The following RBMS1 variants were observed in gnomAD, a reference collection of about 807,000 sequenced individuals.
RBMS1 encodes the protein RNA binding motif single stranded interacting protein 1.
A neutral mutation model predicts 62.3 loss-of-function variants in RBMS1; 17 were observed. The ratio of observed to expected loss-of-function variants is 0.27; its 90% CI spans 0.19 to 0.41. RBMS1 has a LOEUF of 0.41. Among genes scored for constraint, RBMS1 ranks in the 10% least tolerant of loss-of-function variants. The probability of loss-of-function intolerance (pLI) is 1.00; values close to 1 mark genes in which losing one functional copy is unlikely to be tolerated. For synonymous variants in RBMS1, 172 were observed against 170.0 expected (o/e 1.01, Z -0.09); for missense variants, 334 against 504.5 (o/e 0.66, Z 3.24).
intron 1 of RBMS1, among the ~76,000 whole-genome samples, chr2:160,448,859 G>A (rs1185570053): frequency 1.3e-5 from 2 of 151,474 alleles, no homozygotes; most frequent in African/African-American, 4.9e-5. Flanking sequence ...GAGCGTCTCT[G>A]CCTGGCCGCC....
chr2:160,324,882 G>GTGTGTGTATA (rs1206910746), intron 2 of RBMS1, among the ~76,000 whole-genome samples: 1 of 100,016 alleles, frequency 1.0e-5, no homozygotes, highest in African/African-American at 4.2e-5. Flanking sequence ...GTGTGTGTGT[G>GTGTGTGTATA]TATATATATA....
chr2:160,344,318 C>A (rs1459239529), intron 2 of RBMS1, among the ~76,000 whole-genome samples: 1 of 152,156 alleles, frequency 6.6e-6, no homozygotes, highest in Non-Finnish European at 1.5e-5. Flanking sequence ...GTTTATTCCT[C>A]TAGAAGTTTT....
At chr2:160,323,309 C>T (rs1250369359) in intron 2 of RBMS1, among the ~76,000 whole-genome samples, 1 of 151,718 alleles carries the variant, frequency 6.6e-6, no homozygotes, top group Non-Finnish European at 1.5e-5. Flanking sequence ...AACACCCTCT[C>T]GACAAACAAT....
At chr2:160,331,486 A>T (rs1573875345) in intron 2 of RBMS1, among the ~76,000 whole-genome samples, 1 of 152,166 alleles carries the variant, frequency 6.6e-6, no homozygotes, top group African/African-American at 2.4e-5. Context: ...CATGGCTGTC[A>T]TCCCCATTAG....
intron 2 of RBMS1, among the ~76,000 whole-genome samples, chr2:160,340,830 C>T (rs962324958): frequency 6.6e-6 from 1 of 152,118 alleles, no homozygotes; most frequent in Admixed American, 6.5e-5. Flanking sequence ...GATTTTTTAA[C>T]ACTTGCTATT....
intron 1 of RBMS1, among the ~76,000 whole-genome samples, chr2:160,410,221 CAAAAA>C (rs575199475): frequency 1.5e-4 from 10 of 68,020 alleles, no homozygotes; most frequent in African/African-American, 2.9e-4. Flanking sequence ...GACCCCGTCT[CAAAAA>C]AAAAAAAAAA....
chr2:160,415,229 T>G (rs895039788), intron 1 of RBMS1, among the ~76,000 whole-genome samples: 2 of 152,196 alleles, frequency 1.3e-5, no homozygotes, highest in African/African-American at 4.8e-5. Context: ...CCATGAATTA[T>G]AGTAAAACTC....
At chr2:160,389,349 A>C (rs1694738667) in intron 1 of RBMS1, among the ~76,000 whole-genome samples, 1 of 152,244 alleles carries the variant, frequency 6.6e-6, no homozygotes, top group African/African-American at 2.4e-5. Context: ...CAGTGCTCAA[A>C]GATATTAAAC....
chr2:160,428,549 C>T (rs994366217), intron 1 of RBMS1, among the ~76,000 whole-genome samples: 6 of 152,008 alleles, frequency 3.9e-5, no homozygotes, highest in African/African-American at 4.8e-5. Context: ...TCTTACCATC[C>T]CTGGCCATTT....
rs556043046 is a variant in RBMS1 at position 160,296,158 on chromosome 2, G to A, written c.640+4493C>T. ...TTTCTCCTTTGTCTTTACTTGGGCA[G>A]AAGTTAAAAACATTATTTTCTCTTT... On this transcript the variant is annotated intron_variant, in intron 6 of 13. Coordinates refer to ENST00000348849, the MANE Select transcript of RBMS1 (RefSeq NM_016836.4). Among the ~76,000 whole-genome samples, 4 of 152,298 alleles carry A rather than the reference G, an allele frequency of 2.6e-5. No individual in the cohort carries two copies. The East Asian group carries it at 7.7e-4, about 29-fold the overall frequency.
At chr2:160,376,967 C>A (rs912927224) in intron 1 of RBMS1, among the ~76,000 whole-genome samples, 1 of 152,074 alleles carries the variant, frequency 6.6e-6, no homozygotes, top group African/African-American at 2.4e-5. Flanking sequence ...TGGGCCTGGT[C>A]AATCTGTGTA....
At chr2:160,399,775 G>A (rs1304826321) in intron 1 of RBMS1, among the ~76,000 whole-genome samples, 23 of 152,128 alleles carry the variant, frequency 1.5e-4, no homozygotes, top group Non-Finnish European at 4.4e-5. Flanking sequence ...CTCCAAAGAG[G>A]AGAGAGACAA....
intron 1 of RBMS1, among the ~76,000 whole-genome samples, chr2:160,421,775 A>G (rs927186945): frequency 6.6e-6 from 1 of 152,094 alleles, no homozygotes; most frequent in African/African-American, 2.4e-5. Flanking sequence ...CAGTGTAAAA[A>G]TGTTTCTATT....
chr2:160,276,373 A>C (rs1687835543), intron 12 of RBMS1, among the ~76,000 whole-genome samples: 1 of 150,732 alleles, frequency 6.6e-6, no homozygotes, highest in African/African-American at 2.5e-5. Flanking sequence ...CACCACCAAC[A>C]CCTACTACTA....
chr2:160,277,575 T>A (rs1465324245), intron 11 of RBMS1, 192 bp from the exon 12 acceptor site: 1 of 408,972 alleles, frequency 2.4e-6, no homozygotes, highest in Non-Finnish European at 4.4e-6. Flanking sequence ...ACTTTTTGAA[T>A]CTGCTAAACT....
At chr2:160,342,801 G>A (rs1387813203) in intron 2 of RBMS1, among the ~76,000 whole-genome samples, 2 of 151,032 alleles carry the variant, frequency 1.3e-5, no homozygotes, top group African/African-American at 2.4e-5. Context: ...AGCCGGGTAC[G>A]GTGGCAGGCG....
At chr2:160,298,111 G>C (rs762158075) in intron 6 of RBMS1, among the ~76,000 whole-genome samples, 1 of 152,192 alleles carries the variant, frequency 6.6e-6, no homozygotes, top group Non-Finnish European at 1.5e-5. Flanking sequence ...AGAAGAAAGG[G>C]AGGGAGAAGG....
intron 1 of RBMS1, among the ~76,000 whole-genome samples, chr2:160,431,864 T>C (rs1410712384): frequency 6.6e-6 from 1 of 152,192 alleles, no homozygotes; most frequent in East Asian, 1.9e-4. Context: ...AGGCTGGGTC[T>C]TCCTGTTATA....
intron 2 of RBMS1, among the ~76,000 whole-genome samples, chr2:160,349,703 T>C (rs1692385414): frequency 6.6e-6 from 1 of 152,042 alleles, no homozygotes; most frequent in Non-Finnish European, 1.5e-5. Context: ...CTTTGTGCCA[T>C]ATAAAGCAGC....
Sources: allele counts gnomAD v4.1 joint callset (sites outside exome capture counted in the v4.1 genomes callset), GRCh38; gene constraint gnomAD v4.1.1; transcripts MANE v1.5; gene names NCBI Gene and HGNC (gene_info 2026-07-23, HGNC 2026-07-21).